The following SCN7A variants were observed in gnomAD, a reference collection of about 807,000 sequenced individuals.
SCN7A encodes sodium voltage-gated channel alpha subunit 7, also known as sodium channel protein type 7 subunit alpha.
SCN7A carries 138 observed loss-of-function variants against 155.2 expected under a neutral mutation model. That is an observed-to-expected ratio of 0.89 (90% CI 0.77 to 1.02). The LOEUF is 1.02. Among genes scored for constraint, SCN7A ranks in the 50% least tolerant of loss-of-function variants. SCN7A has a pLI of 0.00. For missense variants in SCN7A, 2,058 were observed against 1,986.6 expected (o/e 1.04, Z -0.68); for synonymous variants, 693 against 649.0 (o/e 1.07, Z -1.03).
In SCN7A at chr2:166,406,213, C is replaced by T; in HGVS notation, c.4416G>A (p.Gly1472=). ...VRGDCGNPSV[G]IFYFVSYILI... ...GGATATAACTGACAAAATAAAAAAT[C>T]CCAACAGAGGGGTTCCCACAATCTC... is the stretch of plus-strand genomic sequence containing the variant. The change falls in exon 26 of 26, where the codon GGG becomes GGA. Residue 1472 remains glycine, a synonymous_variant. Coordinates refer to ENST00000643258, the MANE Select transcript of SCN7A (RefSeq NM_002976.4). 1 of 1,612,984 alleles carries T rather than the reference C, an allele frequency of 6.2e-7. No homozygotes were observed.
intron 2 of SCN7A, among the ~76,000 whole-genome samples, chr2:166,483,799 C>A (rs551967134): frequency 5.3e-5 from 8 of 151,860 alleles, no homozygotes; most frequent in Admixed American, 4.6e-4. Context: ...TACACTTTAT[C>A]CTAGCAATTC....
intron 4 of SCN7A, 23 bp downstream of exon 4, chr2:166,474,203 A>C (rs1702726435): frequency 1.7e-6 from 2 of 1,161,018 alleles, no homozygotes. Context: ...GTTTAAAGTC[A>C]ACAAGTCAAC....
intron 12 of SCN7A, 59 bp downstream of exon 12, chr2:166,447,553 A>G: frequency 8.8e-7 from 1 of 1,136,610 alleles, no homozygotes; most frequent in Non-Finnish European, 1.3e-6. Flanking sequence ...AATTTCTTTA[A>G]AAGTGAATTT....
chr2:166,469,414 T>A (rs1234059707), intron 7 of SCN7A, among the ~76,000 whole-genome samples: 1 of 151,880 alleles, frequency 6.6e-6, no homozygotes, highest in East Asian at 1.9e-4. Flanking sequence ...AAAGATAATT[T>A]ATTATGTATG....
At chr2:166,490,098 T>C (rs1683051475) in intron 1 of SCN7A, among the ~76,000 whole-genome samples, 1 of 152,146 alleles carries the variant, frequency 6.6e-6, no homozygotes, top group Admixed American at 6.6e-5. Context: ...TATTTCTTTG[T>C]AGTGGAAACA....
intron 21 of SCN7A, among the ~76,000 whole-genome samples, chr2:166,413,645 G>C (rs1000853807): frequency 7.9e-5 from 12 of 151,980 alleles, no homozygotes; most frequent in East Asian, 3.9e-4. Context: ...GTGTCTGTGA[G>C]GGTGTTGCCA....
At chr2:166,487,984 G>C (rs1703089417) in intron 1 of SCN7A, among the ~76,000 whole-genome samples, 1 of 152,118 alleles carries the variant, frequency 6.6e-6, no homozygotes, top group Non-Finnish European at 1.5e-5. Context: ...ATTTAGATAG[G>C]TGTAAAAACA....
At chr2:166,414,140 A>T (rs1575003297) in intron 21 of SCN7A, among the ~76,000 whole-genome samples, 2 of 64,824 alleles carry the variant, frequency 3.1e-5, no homozygotes, top group Non-Finnish European at 5.5e-5. Flanking sequence ...TATATATGTA[A>T]ATATATATAA....
chr2:166,410,206 AGAC>A lies in SCN7A; in HGVS notation c.3711+11_3711+13del. On this transcript the variant is annotated intron_variant, in intron 24 of 25. Coordinates refer to ENST00000643258, the MANE Select transcript of SCN7A (RefSeq NM_002976.4). ...CCTCCATTGAAGTTTCAAAAAATCT[AGAC>A]ATTTTCTTACTAATGGGCGAGGTAC... is the stretch of plus-strand genomic sequence containing the variant. The A allele has an allele frequency of 1.3e-6, 2 of 1,512,470 alleles. No homozygotes were observed. Among genetic ancestry groups the A allele is most frequent in the Non-Finnish European group, 1.8e-6 (2 of 1,121,400 alleles). The allele number at this position is 1,512,470 out of a possible 1,614,324, so 93.7% of individuals were successfully genotyped here. A position where few individuals can be genotyped will look rare whatever the true frequency, so the allele number is the denominator to read the frequency against.
intron 11 of SCN7A, among the ~76,000 whole-genome samples, chr2:166,454,431 C>G (rs1329319102): frequency 6.6e-6 from 1 of 152,192 alleles, no homozygotes. Flanking sequence ...TCAGTATGAT[C>G]TTACATCATG....
chr2:166,478,509 T>C (rs541752090), intron 2 of SCN7A, among the ~76,000 whole-genome samples: 5 of 151,896 alleles, frequency 3.3e-5, no homozygotes, highest in East Asian at 1.9e-4. Context: ...GCTGTCTATA[T>C]AGTAAATTCA....
chr2:166,465,571 T>A, intron 8 of SCN7A, 40 bp from the exon 9 acceptor site: 1 of 1,454,436 alleles, frequency 6.9e-7, no homozygotes, highest in Non-Finnish European at 9.5e-7. Context: ...TATGTAATTA[T>A]GAGTTAGCAC....
rs1214062448 is a variant in SCN7A, at chr2:166,412,664, T to C, written c.3472A>G (p.Asn1158Asp). The change falls in exon 23 of 26, where the codon AAT becomes GAT. Residue 1158 changes from asparagine (N) to aspartate (D), a missense_variant. Transcript: ENST00000643258. ...MNSAIDSVAV[N>D]IQPHFEVNIY... The stretch of plus-strand genomic sequence containing the variant: ...TTGACTTCAAAATGAGGCTGTATAT[T>C]AACCTAGAAGTTTAAAATAAGCAAA... The C allele has an allele frequency of 1.3e-5, 19 of 1,499,388 alleles. No individual in the cohort carries two copies. Among genetic ancestry groups the C allele is most frequent in the Non-Finnish European group, 1.7e-5 (19 of 1,130,486 alleles). 92.9% of individuals were successfully genotyped at this position (1,499,388 alleles called of 1,614,324 possible). A position where few individuals can be genotyped will look rare whatever the true frequency, so the allele number is the denominator to read the frequency against.
intron 11 of SCN7A, among the ~76,000 whole-genome samples, chr2:166,449,108 C>T (rs1411879639): frequency 6.6e-6 from 1 of 152,140 alleles, no homozygotes; most frequent in East Asian, 1.9e-4. Context: ...AACTCCCAGG[C>T]TTTGTTGTAG....
At chr2:166,410,125 CA>C in intron 24 of SCN7A, 94 bp downstream of exon 24, 1 of 1,190,802 alleles carries the variant, frequency 8.4e-7, no homozygotes, top group Non-Finnish European at 1.2e-6. Context: ...TCAAGGGACA[CA>C]AAAATTTTGA....
intron 20 of SCN7A, among the ~76,000 whole-genome samples, chr2:166,420,446 G>A (rs1019762391): frequency 1.4e-4 from 22 of 151,910 alleles, no homozygotes; most frequent in Non-Finnish European, 2.9e-4. Flanking sequence ...ACATTTGAAC[G>A]TATTCTCCCA....
chr2:166,488,635 T>TA (rs971805244), intron 1 of SCN7A, among the ~76,000 whole-genome samples: 9 of 151,618 alleles, frequency 5.9e-5, no homozygotes, highest in Non-Finnish European at 1.5e-5. Flanking sequence ...ACAGTTTCTT[T>TA]TTTTTTTTTT....
intron 7 of SCN7A, among the ~76,000 whole-genome samples, chr2:166,466,908 G>C (rs924486917): frequency 2.0e-5 from 3 of 151,904 alleles, no homozygotes; most frequent in African/African-American, 7.2e-5. Flanking sequence ...AATGACCTTA[G>C]ATGATTAGAT....
chr2:166,439,024 TACAC>T (rs71395227), intron 15 of SCN7A, among the ~76,000 whole-genome samples: 1 of 136,480 alleles, frequency 7.3e-6, no homozygotes, highest in Non-Finnish European at 1.5e-5. Context: ...TATATATACA[TACAC>T]ACACATACAT....
Sources: allele counts gnomAD v4.1 joint callset (sites outside exome capture counted in the v4.1 genomes callset), GRCh38; gene constraint gnomAD v4.1.1; transcripts MANE v1.5; gene names NCBI Gene and HGNC (gene_info 2026-07-23, HGNC 2026-07-21).